RRP15: variants seen among roughly 807,000 people sequenced by gnomAD.
The protein encoded by RRP15 is RRP15-like protein.
Under a neutral mutation model 27.1 loss-of-function variants are expected in RRP15, and 18 were observed. The ratio of observed to expected loss-of-function variants is 0.66; its 90% CI spans 0.46 to 0.98. The LOEUF is 0.98. RRP15 is among the 50% of genes least tolerant of loss of function. The pLI is 0.00. For synonymous variants in RRP15, 107 were observed against 109.4 expected (o/e 0.98, Z 0.14); for missense variants, 359 against 337.8 (o/e 1.06, Z -0.49).
intron 4 of RRP15, among the ~76,000 whole-genome samples, chr1:218,310,747 T>C (rs923255251): frequency 6.6e-6 from 1 of 152,120 alleles, no homozygotes; most frequent in East Asian, 1.9e-4. Flanking sequence ...TTTTTCTTTT[T>C]CTTTCTTTCT....
At chr1:218,299,417 C>T (rs746337318) in intron 1 of RRP15, among the ~76,000 whole-genome samples, 1 of 151,954 alleles carries the variant, frequency 6.6e-6, no homozygotes, top group Admixed American at 6.6e-5. Flanking sequence ...GGTAGTCAAG[C>T]GGGGTAAGAA....
rs1474223227 is a variant in RRP15, at chr1:218,304,968, T to A, written c.406-60T>A. 2.1e-6 allele frequency: 3 copies of A among 1,444,292 alleles called. No homozygotes were observed. In the Admixed American group the frequency reaches 5.1e-5, roughly 25 times the overall value. 89.5% of individuals were successfully genotyped at this position (1,444,292 alleles called of 1,614,324 possible). On this transcript the variant is annotated intron_variant, in intron 2 of 4. Coordinates refer to ENST00000366932, the MANE Select transcript of RRP15 (RefSeq NM_016052.4). The stretch of plus-strand genomic sequence containing the variant: ...ACCCTTTCACAGAGTATCATACCAA[T>A]GTTTGCTGCACTTTCAGAAATATCT...
At chr1:218,285,520 G>A in intron 1 of RRP15, 65 bp downstream of exon 1, 1 of 1,598,994 alleles carries the variant, frequency 6.3e-7, no homozygotes, top group East Asian at 2.2e-5. Context: ...GTGTCAAGCA[G>A]CGCTTGCGAC....
rs1317421948 is a variant in RRP15 at position 218,334,239 on chromosome 1, CATT to C, written c.*3152_*3154del. The stretch of plus-strand genomic sequence containing the variant: ...TACCTAGAATTCTGCATTGCTCAAA[CATT>C]ATTCAATTGATTGCAAAATATACCT... On this transcript the variant is annotated 3_prime_UTR_variant, in exon 5 of 5. Coordinates refer to ENST00000366932, the MANE Select transcript of RRP15 (RefSeq NM_016052.4). 2.6e-5 allele frequency: 4 copies of C among 152,108 alleles called. No homozygotes were observed. Among genetic ancestry groups the C allele is most frequent in the African/African-American group, 9.7e-5 (4 of 41,402 alleles). The allele number at this position is 152,108 out of a possible 1,614,324, so 9.4% of individuals were successfully genotyped here.
chr1:218,327,955 C>A (rs1656300864), intron 4 of RRP15, among the ~76,000 whole-genome samples: 1 of 152,188 alleles, frequency 6.6e-6, no homozygotes, highest in African/African-American at 2.4e-5. Context: ...TTAACATGCA[C>A]CGGAATCACT....
chr1:218,320,684 G>T (rs1472099217), intron 4 of RRP15, among the ~76,000 whole-genome samples: 3 of 151,610 alleles, frequency 2.0e-5, no homozygotes, highest in African/African-American at 7.3e-5. Flanking sequence ...AAATCAAGTT[G>T]TTTTCCACCC....
In RRP15 at chr1:218,335,374, CTT is replaced by C. The variant is rs1231273036; in HGVS notation, c.*4285_*4286del. 6.6e-6 allele frequency: 1 copy of C among 152,160 alleles called. No homozygotes were observed. The highest frequency in any genetic ancestry group is 1.5e-5 in the Non-Finnish European group (1 of 68,022). 9.4% of individuals were successfully genotyped at this position (152,160 alleles called of 1,614,324 possible). ...CATATTCAGCTTTCTGTTAAACACT[CTT>C]TGGTTTTCAACTGAGTAAGGCAAGC... On this transcript the variant is annotated 3_prime_UTR_variant, in exon 5 of 5. Coordinates refer to ENST00000366932, the MANE Select transcript of RRP15 (RefSeq NM_016052.4).
intron 4 of RRP15, among the ~76,000 whole-genome samples, chr1:218,314,309 T>C (rs1338521383): frequency 6.6e-6 from 1 of 152,234 alleles, no homozygotes; most frequent in Non-Finnish European, 1.5e-5. Flanking sequence ...CATGTTCTTA[T>C]CTAGAGTGAT....
At chr1:218,312,327 C>T (rs1160998508) in intron 4 of RRP15, among the ~76,000 whole-genome samples, 4 of 145,072 alleles carry the variant, frequency 2.8e-5, no homozygotes, top group African/African-American at 5.1e-5. Flanking sequence ...CTGCTCTGCT[C>T]GTTTTGATTC....
intron 1 of RRP15, among the ~76,000 whole-genome samples, chr1:218,291,475 A>G (rs570848803): frequency 6.7e-6 from 1 of 148,702 alleles, no homozygotes; most frequent in Non-Finnish European, 1.5e-5. Flanking sequence ...TAAAAACAAA[A>G]CTCTGAGATT....
chr1:218,299,795 A>G (rs1223280508), intron 1 of RRP15, among the ~76,000 whole-genome samples: 2 of 152,170 alleles, frequency 1.3e-5, no homozygotes, highest in African/African-American at 4.8e-5. Flanking sequence ...TGAAGAGTAA[A>G]ACATATACAG....
intron 4 of RRP15, among the ~76,000 whole-genome samples, chr1:218,309,322 G>A (rs1367711628): frequency 6.6e-6 from 1 of 152,082 alleles, no homozygotes; most frequent in African/African-American, 2.4e-5. Flanking sequence ...TAAAAATTTT[G>A]CTTGAGTTTG....
intron 1 of RRP15, among the ~76,000 whole-genome samples, chr1:218,298,456 C>T (rs1198189825): frequency 2.6e-5 from 4 of 152,104 alleles, no homozygotes; most frequent in Non-Finnish European, 5.9e-5. Flanking sequence ...CCTTTCTTGG[C>T]CATCACTCAT....
intron 1 of RRP15, among the ~76,000 whole-genome samples, chr1:218,288,083 TAAAGGGCC>T (rs1655578295): frequency 1.3e-5 from 2 of 152,202 alleles, no homozygotes; most frequent in African/African-American, 4.8e-5. Flanking sequence ...AAGTAGATTA[TAAAGGGCC>T]TTGTGTATTT....
chr1:218,287,201 G>A (rs897143922), intron 1 of RRP15, among the ~76,000 whole-genome samples: 1 of 139,886 alleles, frequency 7.1e-6, no homozygotes, highest in Non-Finnish European at 1.5e-5. Flanking sequence ...GGCATGTCTC[G>A]AACTCCTAGG....
In RRP15 at chr1:218,299,574, G is replaced by A. The variant is rs1017849118; in HGVS notation, c.140-2720G>A. Among the ~76,000 whole-genome samples, 15 of 152,174 alleles carry A rather than the reference G, an allele frequency of 9.9e-5. No homozygotes were observed. In the East Asian group the frequency reaches 2.9e-3, roughly 29 times the overall value. ...GGCAATTTGTGTGTGAATACATCAG[G>A]ACAAAACACTAGATGTCAGTGTTGC... On this transcript the variant is annotated intron_variant, in intron 1 of 4. Transcript: ENST00000366932.
chr1:218,302,111 A>T, intron 1 of RRP15, 183 bp from the exon 2 acceptor site: 1 of 531,044 alleles, frequency 1.9e-6, no homozygotes, highest in South Asian at 3.1e-5. Flanking sequence ...GGTCTCTGGG[A>T]GCTGATGGCA....
chr1:218,296,159 A>G (rs1053102808), intron 1 of RRP15, among the ~76,000 whole-genome samples: 3 of 152,210 alleles, frequency 2.0e-5, no homozygotes, highest in African/African-American at 7.2e-5. Flanking sequence ...TTATTAAACT[A>G]TGTTTTAAAA....
chr1:218,293,028 ATTTT>A (rs1271507234), intron 1 of RRP15, among the ~76,000 whole-genome samples: 1 of 141,928 alleles, frequency 7.0e-6, no homozygotes, highest in Non-Finnish European at 1.6e-5. Flanking sequence ...TTTTTTTCTT[ATTTT>A]TTTTTTTTTG....
Sources: allele counts gnomAD v4.1 joint callset (sites outside exome capture counted in the v4.1 genomes callset), GRCh38; gene constraint gnomAD v4.1.1; transcripts MANE v1.5; gene names NCBI Gene and HGNC (gene_info 2026-07-23, HGNC 2026-07-21).